The following LARGE1 variants were observed in gnomAD, a reference collection of about 807,000 sequenced individuals.
The protein encoded by LARGE1 is xylosyl- and glucuronyltransferase LARGE1.
A neutral mutation model predicts 87.6 loss-of-function variants in LARGE1; 43 were observed. The observed-to-expected ratio is 0.49, with a 90% confidence interval of 0.38 to 0.63. LARGE1 has a LOEUF of 0.63. Among genes scored for constraint, LARGE1 ranks in the 30% least tolerant of loss-of-function variants. The pLI, the probability that LARGE1 is intolerant of heterozygous loss-of-function variation, is 0.00. For missense variants in LARGE1, 802 were observed against 1,000.2 expected, an observed-to-expected ratio of 0.80 and a Z score of 2.67; for synonymous variants, 434 against 394.6, an observed-to-expected ratio of 1.10 and a Z score of -1.18.
intron 6 of LARGE1, among the ~76,000 whole-genome samples, chr22:33,482,793 CCTATTTAAAGAAAAGACTCTTGT>C (rs1230935547): frequency 6.6e-6 from 1 of 151,992 alleles, no homozygotes; most frequent in Non-Finnish European, 1.5e-5. Context: ...CTGTAGGCAC[CCTATTTAAAGAAAAGACTCTTGT>C]CCCTATTGAG....
At chr22:33,674,681 G>A (rs1284285829) in intron 2 of LARGE1, among the ~76,000 whole-genome samples, 1 of 152,078 alleles carries the variant, frequency 6.6e-6, no homozygotes, top group Non-Finnish European at 1.5e-5. Context: ...CAGGATCTCT[G>A]TCTACACACT....
At chr22:33,695,296 G>A (rs918128365) in intron 2 of LARGE1, among the ~76,000 whole-genome samples, 3 of 151,886 alleles carry the variant, frequency 2.0e-5, no homozygotes, top group Non-Finnish European at 4.4e-5. Context: ...TAGAGACAGC[G>A]TTTCACCATG....
chr22:33,397,708 C>T (rs1307338169), intron 7 of LARGE1, among the ~76,000 whole-genome samples: 1 of 152,142 alleles, frequency 6.6e-6, no homozygotes, highest in Non-Finnish European at 1.5e-5. Context: ...AGTGGAATTT[C>T]CAGGTCATTG....
Position 33,210,620 on chromosome 22 carries a change from C to T in LARGE1, c.1731-43788G>A, listed in dbSNP as rs912406447. Among the ~76,000 whole-genome samples the T allele has an allele frequency of 6.6e-5, 10 of 152,382 alleles. No homozygotes were observed. The East Asian group carries it at 7.7e-4, about 12-fold the overall frequency. On this transcript the variant is annotated intron_variant, in intron 11 of 11. Coordinates refer to the LARGE1 transcript ENST00000608642. ...TCCCTGCCCTTAAGTCACCGGCAGACGTGGCCTGATGGCACCTAGCCTCAA... is the reference window on the plus strand; with the variant it reads ...TCCCTGCCCTTAAGTCACCGGCAGATGTGGCCTGATGGCACCTAGCCTCAA...
chr22:33,249,847 T>A (rs1409465114), intron 11 of LARGE1, among the ~76,000 whole-genome samples: 1 of 152,238 alleles, frequency 6.6e-6, no homozygotes, highest in Non-Finnish European at 1.5e-5. Flanking sequence ...CAGCTGACTA[T>A]ATTTATGTGG....
Position 33,187,921 on chromosome 22 carries a change from CAAAAAAAAAAAAAAAAAAAAAA to C in LARGE1, c.1731-21111_1731-21090del, listed in dbSNP as rs578115819. ...TGGGCAACAGAGTGAGACTCCGTCT[CAAAAAAAAAAAAAAAAAAAAAA>C]AAAAAAAAAAAAAAAAATCACTAAG... On this transcript the variant is annotated intron_variant, in intron 11 of 11. Coordinates refer to the LARGE1 transcript ENST00000608642. Among the ~76,000 whole-genome samples, 45 of 36,910 alleles carry C rather than the reference CAAAAAAAAAAAAAAAAAAAAAA, an allele frequency of 1.2e-3. No homozygotes were observed. The East Asian group carries it at 0.021, about 17-fold the overall frequency. The allele number at this position is 36,910 out of a possible 152,430, so 24.2% of individuals were successfully genotyped here. A position where few individuals can be genotyped will look rare whatever the true frequency, so the allele number is the denominator to read the frequency against.
intron 2 of LARGE1, among the ~76,000 whole-genome samples, chr22:33,692,770 G>A (rs1007200853): frequency 9.2e-5 from 14 of 152,150 alleles, no homozygotes; most frequent in African/African-American, 3.4e-4. Context: ...TTTTTACAAT[G>A]TAAGTATAAA....
chr22:33,821,395 C>A (rs1430499370), intron 1 of LARGE1, among the ~76,000 whole-genome samples: 2 of 152,196 alleles, frequency 1.3e-5, no homozygotes, highest in Non-Finnish European at 2.9e-5. Flanking sequence ...TAGTTTACCT[C>A]CCCATCCTGA....
At position 33,450,497 on chromosome 22, in the gene LARGE1, C is replaced by T. The variant is rs576608508; in HGVS notation, c.788-18232G>A. On this transcript the variant is annotated intron_variant, in intron 6 of 14. Coordinates refer to ENST00000397394, the MANE Select transcript of LARGE1 (RefSeq NM_133642.5). Reference sequence around the variant, plus strand: ...GTGTGGTGGCGGGTGCCCGTAGTCCCAGCTACCCAGGAGGCTGAGGCAGGA... The same window carrying T: ...GTGTGGTGGCGGGTGCCCGTAGTCCTAGCTACCCAGGAGGCTGAGGCAGGA... Among the ~76,000 whole-genome samples, 16 of 151,766 alleles carry T rather than the reference C, an allele frequency of 1.1e-4. No homozygotes were observed. The South Asian group carries it at 3.3e-3, about 32-fold the overall frequency.
intron 7 of LARGE1, among the ~76,000 whole-genome samples, chr22:33,409,355 T>C (rs17802641): frequency 0.052 from 7,876 of 152,140 alleles, 253 homozygotes; most frequent in Non-Finnish European, 0.077. Context: ...GGGGAAAGCA[T>C]AGTATAGCAG....
At chr22:33,222,170 A>G (rs896075005) in intron 11 of LARGE1, among the ~76,000 whole-genome samples, 3 of 152,200 alleles carry the variant, frequency 2.0e-5, no homozygotes, top group African/African-American at 7.2e-5. Flanking sequence ...CGATACTTAA[A>G]ATACATCTAA....
At chr22:33,893,236 A>G (rs1414172496) in intron 1 of LARGE1, among the ~76,000 whole-genome samples, 1 of 152,222 alleles carries the variant, frequency 6.6e-6, no homozygotes, top group East Asian at 1.9e-4. Context: ...CAGCTCCAAA[A>G]GGGTAGGTAA....
In LARGE1 at chr22:33,535,260, C is replaced by T. The variant is rs1272152104; in HGVS notation, c.787+29588G>A. Among the ~76,000 whole-genome samples the T allele has an allele frequency of 3.3e-5, 5 of 152,142 alleles. No homozygotes were observed. The East Asian group carries it at 9.6e-4, about 29-fold the overall frequency. On this transcript the variant is annotated intron_variant, in intron 6 of 14. Coordinates refer to ENST00000397394, the MANE Select transcript of LARGE1 (RefSeq NM_133642.5). ...TGTGGGTCCAAGAGAAAACCTCCAG[C>T]AGGCCAGGCGCGGTGGCTCATGCCT...
the LARGE1 span, among the ~76,000 whole-genome samples, chr22:33,120,697 A>G: frequency 2.6e-5 from 4 of 151,842 alleles, no homozygotes; most frequent in African/African-American, 9.7e-5. Flanking sequence ...TTGTATTTTT[A>G]GTAGAGACAG....
intron 11 of LARGE1, among the ~76,000 whole-genome samples, chr22:33,171,630 A>G (rs117299972): frequency 0.022 from 3,362 of 152,326 alleles, 65 homozygotes; most frequent in Admixed American, 0.048. Context: ...CAGAGGATGC[A>G]AGCCCCAAGC....
chr22:33,661,011 GA>G (rs1247738450), intron 2 of LARGE1, among the ~76,000 whole-genome samples: 4 of 151,480 alleles, frequency 2.6e-5, no homozygotes, highest in African/African-American at 7.3e-5. Flanking sequence ...AATGAGGTTT[GA>G]TTTTTTTTTT....
At chr22:33,384,098 G>T in intron 8 of LARGE1, 94 bp downstream of exon 8, 1 of 929,826 alleles carries the variant, frequency 1.1e-6, no homozygotes. Context: ...ACAATACGTA[G>T]AAAACCATTC....
intron 6 of LARGE1, among the ~76,000 whole-genome samples, chr22:33,452,413 A>G (rs986297474): frequency 2.0e-5 from 3 of 152,186 alleles, no homozygotes; most frequent in African/African-American, 4.8e-5. Flanking sequence ...CAAAAGAAGA[A>G]AGAGTGGCAG....
intron 1 of LARGE1, among the ~76,000 whole-genome samples, chr22:33,894,024 G>C (rs898879633): frequency 6.6e-6 from 1 of 151,984 alleles, no homozygotes; most frequent in Non-Finnish European, 1.5e-5. Flanking sequence ...CTGGGCTCCC[G>C]GCCCTGCAGA....
Sources: allele counts gnomAD v4.1 joint callset (sites outside exome capture counted in the v4.1 genomes callset), GRCh38; gene constraint gnomAD v4.1.1; transcripts MANE v1.5; gene names NCBI Gene and HGNC (gene_info 2026-07-23, HGNC 2026-07-21).